GPHN: variants seen among roughly 807,000 people sequenced by gnomAD.
GPHN encodes the protein gephyrin.
A neutral mutation model predicts 95.5 loss-of-function variants in GPHN; 17 were observed. That is an observed-to-expected ratio of 0.18 (90% CI 0.12 to 0.27). GPHN has a LOEUF of 0.27. GPHN is among the 10% of genes least tolerant of loss of function. The pLI is 1.00. For synonymous variants in GPHN, 320 were observed against 322.5 expected (o/e 0.99, Z 0.08); for missense variants, 660 against 978.1 (o/e 0.67, Z 4.34).
intron 8 of GPHN, among the ~76,000 whole-genome samples, chr14:66,938,668 T>C (rs2067247028): frequency 6.6e-6 from 1 of 152,186 alleles, no homozygotes; most frequent in Non-Finnish European, 1.5e-5. Context: ...TTTGGTACAA[T>C]TCTTTCCATG....
chr14:67,546,867 G>GAT, the GPHN span, among the ~76,000 whole-genome samples: 7 of 152,008 alleles, frequency 4.6e-5, no homozygotes, highest in South Asian at 2.1e-4. Flanking sequence ...TGTCTCAAAG[G>GAT]ATATATATAT....
the GPHN span, among the ~76,000 whole-genome samples, chr14:67,367,419 C>A: frequency 1.0e-3 from 158 of 152,212 alleles, no homozygotes; most frequent in African/African-American, 3.6e-3. Context: ...TTGGTAGAGA[C>A]AGGGTTTCAC....
chr14:67,585,566 A>G, the GPHN span: 4 of 1,572,934 alleles, frequency 2.5e-6, no homozygotes, highest in Admixed American at 7.3e-5. Context: ...CTGTTTCCCC[A>G]GCCTGCCCAG....
intron 2 of GPHN, among the ~76,000 whole-genome samples, chr14:66,685,084 C>T (rs920057039): frequency 4.6e-5 from 7 of 152,094 alleles, no homozygotes; most frequent in Non-Finnish European, 8.8e-5. Flanking sequence ...TGAACTCATC[C>T]TTTTTTATGG....
At chr14:66,788,857 C>T (rs534908764) in intron 3 of GPHN, among the ~76,000 whole-genome samples, 1 of 152,172 alleles carries the variant, frequency 6.6e-6, no homozygotes, top group African/African-American at 2.4e-5. Context: ...GGGGTTTCAC[C>T]ATGTTTTAGT....
chr14:66,693,766 A>G (rs1017457002), intron 2 of GPHN, among the ~76,000 whole-genome samples: 2 of 152,168 alleles, frequency 1.3e-5, no homozygotes, highest in African/African-American at 4.8e-5. Flanking sequence ...TAATCCTTCA[A>G]CCAGTCAAGG....
chr14:67,289,589 T>A, the GPHN span, among the ~76,000 whole-genome samples: 1 of 151,996 alleles, frequency 6.6e-6, no homozygotes, highest in Non-Finnish European at 1.5e-5. Context: ...TTGTTTTGAT[T>A]TGGGGCGGGA....
At chr14:67,674,748 G>C in the GPHN span, 1 of 355,984 alleles carries the variant, frequency 2.8e-6, no homozygotes, top group South Asian at 8.5e-5. Flanking sequence ...ACTCCTGAGG[G>C]AGCGGTGCCG....
At chr14:67,510,945 C>T in the GPHN span, among the ~76,000 whole-genome samples, 1 of 152,198 alleles carries the variant, frequency 6.6e-6, no homozygotes. Context: ...CCAGGAAGCA[C>T]ATTTTATCTT....
chr14:66,703,276 C>G (rs1483823458), intron 2 of GPHN, among the ~76,000 whole-genome samples: 1 of 151,848 alleles, frequency 6.6e-6, no homozygotes, highest in African/African-American at 2.4e-5. Flanking sequence ...GGCCAACATG[C>G]AAATTCAGGA....
chr14:66,740,529 CT>C (rs1356027720), intron 2 of GPHN, among the ~76,000 whole-genome samples: 1 of 150,214 alleles, frequency 6.7e-6, no homozygotes, highest in East Asian at 1.9e-4. Flanking sequence ...TTGTTTTAAA[CT>C]GAACATTTAG....
the GPHN span, among the ~76,000 whole-genome samples, chr14:67,273,807 C>T: frequency 2.0e-3 from 312 of 152,222 alleles, no homozygotes; most frequent in African/African-American, 7.0e-3. Flanking sequence ...TTTTAATGAT[C>T]GCCATTCTAA....
intron 10 of GPHN, among the ~76,000 whole-genome samples, chr14:67,032,839 A>G (rs2074253463): frequency 6.6e-6 from 1 of 152,212 alleles, no homozygotes; most frequent in Admixed American, 6.5e-5. Context: ...CAAATGACTA[A>G]AACTCAGCAA....
chr14:67,663,991 G>C, the GPHN span, among the ~76,000 whole-genome samples: 1 of 152,118 alleles, frequency 6.6e-6, no homozygotes, highest in Non-Finnish European at 1.5e-5. Flanking sequence ...AGAGGAGCTT[G>C]ATTTTTTAAA....
chr14:67,245,302 C>G, the GPHN span, among the ~76,000 whole-genome samples: 1 of 152,126 alleles, frequency 6.6e-6, no homozygotes. Context: ...GCTTTACATT[C>G]CTGTCAGCAC....
chr14:67,225,343 G>T, the GPHN span: 1 of 940,206 alleles, frequency 1.1e-6, no homozygotes, highest in South Asian at 2.0e-5. Context: ...GTTAATAAGT[G>T]GGATCTTTTA....
At chr14:66,864,473 C>G (rs1170441909) in intron 4 of GPHN, among the ~76,000 whole-genome samples, 1 of 151,984 alleles carries the variant, frequency 6.6e-6, no homozygotes, top group Non-Finnish European at 1.5e-5. Flanking sequence ...GTTATGTACC[C>G]AAAAGAATGG....
chr14:67,351,911 C>CA, the GPHN span, among the ~76,000 whole-genome samples: 1,039 of 128,018 alleles, frequency 8.1e-3, 33 homozygotes, highest in African/African-American at 0.031. Context: ...GAACCTCTAC[C>CA]AAAAAAAAAA....
At chr14:66,886,356 A>G (rs1438955991) in intron 5 of GPHN, among the ~76,000 whole-genome samples, 1 of 152,132 alleles carries the variant, frequency 6.6e-6, no homozygotes, top group Non-Finnish European at 1.5e-5. Context: ...ACTTGCAAAT[A>G]TATTCAGTCC....
Sources: gnomAD v4.1 joint callset for allele counts (sites outside exome capture counted in the v4.1 genomes callset) on GRCh38, gnomAD v4.1.1 for gene constraint, MANE v1.5 for transcripts, NCBI Gene and HGNC (gene_info 2026-07-23, HGNC 2026-07-21) for gene names.